The following DOT1L variants were observed in gnomAD, a reference collection of about 807,000 sequenced individuals.
DOT1L encodes the protein histone-lysine N-methyltransferase, H3 lysine-79 specific.
A neutral mutation model predicts 153.3 loss-of-function variants in DOT1L; 33 were observed. The observed-to-expected ratio is 0.22, with a 90% confidence interval of 0.16 to 0.29. The LOEUF is 0.29. Ranked by LOEUF, DOT1L falls within the 10% of genes least tolerant of loss-of-function variation. DOT1L has a pLI of 1.00. For synonymous variants in DOT1L, 1,135 were observed against 965.1 expected (o/e 1.18, Z -3.26); for missense variants, 1,847 against 2,119.9 (o/e 0.87, Z 2.53).
intron 12 of DOT1L, among the ~76,000 whole-genome samples, chr19:2,209,807 G>A (rs1030195990): frequency 3.9e-5 from 6 of 152,226 alleles, no homozygotes; most frequent in Non-Finnish European, 8.8e-5. Context: ...AGCCAGGGCT[G>A]GGCTCCAACC....
rs749350627 is a variant in DOT1L at position 2,226,818 on chromosome 19, G to A, written c.4297G>A (p.Val1433Met). 7 of 1,578,472 alleles carry A rather than the reference G, an allele frequency of 4.4e-6. No individual in the cohort carries two copies. Among genetic ancestry groups the A allele is most frequent in the East Asian group, 2.3e-5 (1 of 43,346 alleles). Residue 1433 changes from valine to methionine, a missense_variant, in exon 27 of 28, where the codon GTG becomes ATG. By Grantham distance (21) the Val-to-Met change is conservative. Around this residue, in one of 8 missense-constraint regions of DOT1L, gnomAD observed 934 missense variants for 825.3 expected, o/e 1.13. Coordinates refer to ENST00000398665, the MANE Select transcript of DOT1L (RefSeq NM_032482.3). ...GHNLFISAAA[V>M]PPGSLLSGPG... ...CAACCTCTTCATCTCTGCGGCGGCC[G>A]TGCCTCCCGGAAGCCTCCTCAGCGG...
chr19:2,178,904 C>A (rs1015273683), intron 1 of DOT1L, among the ~76,000 whole-genome samples: 2 of 152,286 alleles, frequency 1.3e-5, no homozygotes, highest in East Asian at 3.9e-4. Context: ...TGCAAAGCAC[C>A]GCACAGACTT....
chr19:2,219,428 C>T (rs908368529), intron 22 of DOT1L, among the ~76,000 whole-genome samples: 5 of 152,338 alleles, frequency 3.3e-5, no homozygotes, highest in South Asian at 2.1e-4. Context: ...CCCCCGAACA[C>T]GCTCATGTCT....
Position 2,208,806 on chromosome 19 carries a change from T to A in DOT1L, c.964-129T>A, listed in dbSNP as rs557400176. 2.3e-5 allele frequency: 22 copies of A among 936,558 alleles called. No individual in the cohort carries two copies. Among genetic ancestry groups the A allele is most frequent in the Non-Finnish European group, 3.6e-5 (22 of 608,170 alleles). 58.0% of individuals were successfully genotyped at this position (936,558 alleles called of 1,614,324 possible). On this transcript the variant is annotated intron_variant, in intron 11 of 27. Transcript: ENST00000398665. This position sits in a 1 kb window ranked among gnomAD's most constrained non-coding sequence, Gnocchi z 4.4. ...CACTGGGGGGCTCTAGCTGCATGCC[T>A]GCTGTCCCCAGATACCAGAACAGCC...
Position 2,229,947 on chromosome 19 carries a change from G to T in DOT1L, c.*155G>T, listed in dbSNP as rs557969941. On this transcript the variant is annotated 3_prime_UTR_variant, in exon 28 of 28. Transcript: ENST00000398665. ...TGTGAATCGGCGGCACGCGCCGCAG[G>T]AGGCTGGGACTGGTCCAGTTTGTAC... The T allele has an allele frequency of 9.1e-6, 12 of 1,324,696 alleles. No homozygotes were observed. In the Admixed American group the frequency reaches 1.8e-4, roughly 20 times the overall value. 82.1% of individuals were successfully genotyped at this position (1,324,696 alleles called of 1,614,324 possible).
chr19:2,201,354 C>T (rs960997728), intron 8 of DOT1L, among the ~76,000 whole-genome samples: 1 of 151,510 alleles, frequency 6.6e-6, no homozygotes. Context: ...TCGTCCTCCC[C>T]GCTCCCCTCC....
Position 2,226,602 on chromosome 19 carries a change from G to A in DOT1L, c.4081G>A (p.Gly1361Ser), listed in dbSNP as rs758820001. 3 of 1,597,992 alleles carry A rather than the reference G, an allele frequency of 1.9e-6. No homozygotes were observed. Among genetic ancestry groups the A allele is most frequent in the South Asian group, 1.1e-5 (1 of 90,288 alleles). The stretch of plus-strand genomic sequence containing the variant: ...CTTCCCCTCGCAGCGCGGCAAGGAG[G>A]GCTCGGACGCCAACCCTTTCCTGAG... ...LSFPSQRGKE[G>S]SDANPFLSKR... is the part of the protein sequence containing the mutation. The change falls in exon 27 of 28, where the codon GGC (glycine) becomes AGC (serine). Residue 1361 changes from glycine to serine, a missense_variant. Coordinates refer to ENST00000398665, the MANE Select transcript of DOT1L (RefSeq NM_032482.3).
rs1417030918 is a variant in DOT1L at position 2,190,484 on chromosome 19, C to T, written c.265-528C>T. On this transcript the variant is annotated intron_variant, in intron 4 of 27. Transcript: ENST00000398665. This position sits in a 1 kb window ranked among gnomAD's most constrained non-coding sequence, Gnocchi z 4.8. ...GCCTGCCACCCGGCTCTGGCTTCCC[C>T]TCAACCTCATGCATGCAGCTCTGTG... 2.6e-5 allele frequency among the ~76,000 whole-genome samples: 4 copies of T among 152,166 alleles called. No individual in the cohort carries two copies. Among genetic ancestry groups the T allele is most frequent in the Admixed American group, 2.6e-4 (4 of 15,278 alleles).
chr19:2,225,250 C>A, intron 25 of DOT1L, 138 bp from the exon 26 acceptor site: 1 of 798,492 alleles, frequency 1.3e-6, no homozygotes, highest in Admixed American at 2.0e-5. Flanking sequence ...CCCAGGGTGG[C>A]TGCACGGGTC....
chr19:2,214,667 A>G, intron 19 of DOT1L, 71 bp downstream of exon 19: 2 of 1,566,318 alleles, frequency 1.3e-6, no homozygotes, highest in Admixed American at 3.6e-5. Flanking sequence ...GACGTCGTTG[A>G]GCCTAGGGTG....
At chr19:2,187,831 A>G (rs1352935736) in intron 3 of DOT1L, among the ~76,000 whole-genome samples, 6 of 151,244 alleles carry the variant, frequency 4.0e-5, no homozygotes, top group African/African-American at 7.3e-5. Context: ...CTGAGGCAGG[A>G]GAATGGTGTG....
At position 2,222,027 on chromosome 19, in the gene DOT1L, C is replaced by T. The variant is rs754105540; in HGVS notation, c.2858C>T (p.Pro953Leu). 3.1e-6 allele frequency: 5 copies of T among 1,612,346 alleles called. No individual in the cohort carries two copies. Among genetic ancestry groups the T allele is most frequent in the African/African-American group, 1.3e-5 (1 of 75,058 alleles). ...VAISGALAGS[P>L]ASLTPGAEPA... is the part of the protein sequence containing the mutation. The stretch of plus-strand genomic sequence containing the variant: ...ATCAGCGGGGCCTTGGCGGGCAGCC[C>T]GGCCTCTCTCACACCTGGAGCCGAG... Residue 953 changes from proline (P) to leucine (L), a missense_variant, in exon 24 of 28, where the codon CCG becomes CTG. By Grantham distance (98) the Pro-to-Leu change is moderately conservative (BLOSUM62 -3). Around this residue, in one of 8 missense-constraint regions of DOT1L, gnomAD observed 934 missense variants for 825.3 expected, o/e 1.13. Coordinates refer to ENST00000398665, the MANE Select transcript of DOT1L (RefSeq NM_032482.3). This position sits in a 1 kb window ranked among gnomAD's most constrained non-coding sequence, Gnocchi z 6.5.
Position 2,226,765 on chromosome 19 carries a change from A to G in DOT1L, c.4244A>G (p.Asp1415Gly). 6.4e-7 allele frequency: 1 copy of G among 1,566,464 alleles called. No homozygotes were observed. The highest frequency in any genetic ancestry group is 8.6e-7 in the Non-Finnish European group (1 of 1,162,604). ...AGCGGCAAGGCCGCCAAGGCCCGGG[A>G]CCGCGAGGTCGACCTCAAGAATGGC... ...LLSGKAAKAR[D>G]REVDLKNGHN... The change falls in exon 27 of 28, where the codon GAC becomes GGC. Residue 1415 changes from aspartate to glycine, a missense_variant. Asp to Gly is a moderately conservative substitution (Grantham distance 94, BLOSUM62 -1). This residue lies in a region of DOT1L where 934 missense variants were observed against 825.3 expected (regional missense o/e 1.13). Coordinates refer to ENST00000398665, the MANE Select transcript of DOT1L (RefSeq NM_032482.3).
chr19:2,200,694 C>T (rs1186411751), intron 8 of DOT1L, among the ~76,000 whole-genome samples: 1 of 152,022 alleles, frequency 6.6e-6, no homozygotes, highest in African/African-American at 2.4e-5. Flanking sequence ...TCTCTGCGCC[C>T]CTCGTCCTCC....
rs575323906 is a variant in DOT1L, at chr19:2,191,348, C to T, written c.493+108C>T. 129 of 1,153,478 alleles carry T rather than the reference C, an allele frequency of 1.1e-4. No homozygotes were observed. In the East Asian group the frequency reaches 2.4e-3, roughly 21 times the overall value. The allele number at this position is 1,153,478 out of a possible 1,614,324, so 71.5% of individuals were successfully genotyped here. On this transcript the variant is annotated intron_variant, in intron 5 of 27. Coordinates refer to ENST00000398665, the MANE Select transcript of DOT1L (RefSeq NM_032482.3). This position sits in a 1 kb window ranked among gnomAD's most constrained non-coding sequence, Gnocchi z 6.8. ...GTTTATCAGGGACTTGCGACGTTGG[C>T]GTGGACAGTGCTTCCTTCTCCCAGC...
At position 2,208,569 on chromosome 19, in the gene DOT1L, G is replaced by A. The variant is rs886511034; in HGVS notation, c.964-366G>A. ...GCAGTGCTGCTGCTTCAGCTGCCCT[G>A]GCACTGACGCCCTCGGCGCAGCCTC... On this transcript the variant is annotated intron_variant, in intron 11 of 27. Coordinates refer to ENST00000398665, the MANE Select transcript of DOT1L (RefSeq NM_032482.3). This position sits in a 1 kb window ranked among gnomAD's most constrained non-coding sequence, Gnocchi z 4.4. 1.3e-5 allele frequency among the ~76,000 whole-genome samples: 2 copies of A among 152,210 alleles called. No individual in the cohort carries two copies. The highest frequency in any genetic ancestry group is 2.9e-5 in the Non-Finnish European group (2 of 68,024).
At chr19:2,210,114 T>C (rs1466412896) in intron 12 of DOT1L, among the ~76,000 whole-genome samples, 1 of 152,182 alleles carries the variant, frequency 6.6e-6, no homozygotes, top group Non-Finnish European at 1.5e-5. Context: ...TGTGGTTCTT[T>C]TTCTCTGTGG....
intron 7 of DOT1L, among the ~76,000 whole-genome samples, chr19:2,198,572 C>T (rs1303499204): frequency 1.3e-5 from 2 of 152,240 alleles, no homozygotes; most frequent in East Asian, 1.9e-4. Context: ...GCGTTACCCT[C>T]TCTGCTCGGG....
chr19:2,229,778 T>C lies in DOT1L; in HGVS notation c.4607-7T>C, dbSNP rs1183629157. The C allele has an allele frequency of 3.1e-6, 5 of 1,613,302 alleles. No individual in the cohort carries two copies. Among genetic ancestry groups the C allele is most frequent in the Non-Finnish European group, 3.4e-6 (4 of 1,179,928 alleles). On this transcript the variant is annotated splice_polypyrimidine_tract_variant and splice_region_variant and intron_variant, in intron 27 of 27. Transcript: ENST00000398665. Reference sequence around the variant, plus strand: ...CAGGCCGCTCTTCCCGCTGTGCCCTTCTGCAGGTAACTAGGATTTCTACCT... The same window carrying C: ...CAGGCCGCTCTTCCCGCTGTGCCCTCCTGCAGGTAACTAGGATTTCTACCT...
Sources: allele counts gnomAD v4.1 joint callset (sites outside exome capture counted in the v4.1 genomes callset), GRCh38; gene constraint gnomAD v4.1.1; regional missense constraint gnomAD v4.1.1; non-coding constraint Gnocchi (gnomAD v3.1); transcripts MANE v1.5; gene names NCBI Gene and HGNC (gene_info 2026-07-23, HGNC 2026-07-21).